DNAH5: variants seen among roughly 807,000 people sequenced by gnomAD.
DNAH5 encodes dynein axonemal heavy chain 5.
In DNAH5, 372 loss-of-function variants were observed where a neutral mutation model predicts 518.2. The ratio of observed to expected loss-of-function variants is 0.72; its 90% CI spans 0.66 to 0.78. DNAH5 has a LOEUF of 0.78. Among genes scored for constraint, DNAH5 ranks in the 30% least tolerant of loss-of-function variants. The pLI, the probability that DNAH5 is intolerant of heterozygous loss-of-function variation, is 0.00. For synonymous variants in DNAH5, 2,039 were observed against 2,025.9 expected (o/e 1.01, Z -0.17); for missense variants, 5,523 against 5,687.0 (o/e 0.97, Z 0.93).
intron 1 of DNAH5, among the ~76,000 whole-genome samples, chr5:13,970,042 A>G (rs987099995): frequency 1.3e-5 from 2 of 152,176 alleles, no homozygotes; most frequent in African/African-American, 4.8e-5. Flanking sequence ...TTATCATTAT[A>G]TAATATCCCT....
At chr5:13,968,638 C>T (rs1398850210) in intron 1 of DNAH5, among the ~76,000 whole-genome samples, 1 of 152,156 alleles carries the variant, frequency 6.6e-6, no homozygotes, top group African/African-American at 2.4e-5. Flanking sequence ...ATATGTTAAA[C>T]CATCCCTGAA....
intron 30 of DNAH5, among the ~76,000 whole-genome samples, chr5:13,852,783 G>A (rs1210900077): frequency 6.6e-6 from 1 of 152,186 alleles, no homozygotes; most frequent in Non-Finnish European, 1.5e-5. Flanking sequence ...GCCCACTGCA[G>A]CACCACAAAG....
intron 50 of DNAH5, among the ~76,000 whole-genome samples, chr5:13,789,287 C>T (rs1323966403): frequency 6.6e-6 from 1 of 152,050 alleles, no homozygotes; most frequent in Non-Finnish European, 1.5e-5. Flanking sequence ...ATATGAACAA[C>T]TCTCATGTAT....
chr5:13,700,910 G>A lies in DNAH5; in HGVS notation c.13492-39C>T, dbSNP rs781177328. On this transcript the variant is annotated intron_variant, in intron 77 of 78. Coordinates refer to ENST00000265104, the MANE Select transcript of DNAH5 (RefSeq NM_001369.3). Reference sequence around the variant, plus strand: ...CAAAAGATGAATGGAGCGGTTAGAGGTTTGTCTTAATAGAAAGAGCATAAC... The same window carrying A: ...CAAAAGATGAATGGAGCGGTTAGAGATTTGTCTTAATAGAAAGAGCATAAC... 13 of 1,595,810 alleles carry A rather than the reference G, an allele frequency of 8.1e-6. No individual in the cohort carries two copies. In the Admixed American group the frequency reaches 1.8e-4, roughly 23 times the overall value.
intron 30 of DNAH5, 64 bp from the exon 31 acceptor site, chr5:13,850,879 T>A (rs1270450193): frequency 6.5e-7 from 1 of 1,529,336 alleles, no homozygotes; most frequent in African/African-American, 1.4e-5. Context: ...AAAGACAGTA[T>A]CTCACATTCC....
chr5:13,992,207 T>C (rs577310871), intron 1 of DNAH5, among the ~76,000 whole-genome samples: 21 of 152,330 alleles, frequency 1.4e-4, no homozygotes, highest in African/African-American at 4.6e-4. Flanking sequence ...CCAAGTCTTG[T>C]TCTTCAAAAT....
At chr5:13,920,234 G>A (rs1440820622) in intron 6 of DNAH5, among the ~76,000 whole-genome samples, 1 of 152,230 alleles carries the variant, frequency 6.6e-6, no homozygotes, top group Non-Finnish European at 1.5e-5. Flanking sequence ...ATTGAGAAAA[G>A]AAACTGGCAA....
At chr5:13,882,509 A>G (rs1771812124) in intron 21 of DNAH5, among the ~76,000 whole-genome samples, 1 of 152,210 alleles carries the variant, frequency 6.6e-6, no homozygotes, top group Non-Finnish European at 1.5e-5. Flanking sequence ...TTGGTTCAAT[A>G]TATGCAAATC....
chr5:13,908,654 G>A lies in DNAH5; in HGVS notation c.1644+2732C>T, dbSNP rs370442023. 6.4e-4 allele frequency among the ~76,000 whole-genome samples: 98 copies of A among 152,252 alleles called. 1 individual carries two copies. In the South Asian group the frequency reaches 0.018, roughly 27 times the overall value. ...CACCTCAACACCCATCCTTTACTAA[G>A]TAGTGCCTTCTCCATCTGCTGGGAT... On this transcript the variant is annotated intron_variant, in intron 12 of 78. Transcript: ENST00000265104.
chr5:13,719,736 C>G (rs979464578), intron 71 of DNAH5, among the ~76,000 whole-genome samples: 8 of 152,110 alleles, frequency 5.3e-5, no homozygotes, highest in Non-Finnish European at 1.2e-4. Flanking sequence ...GAATGATTGC[C>G]TGCTGAATTT....
chr5:14,001,390 G>A lies in DNAH5; in HGVS notation c.12+10258C>T, dbSNP rs536561176. Among the ~76,000 whole-genome samples, 704 of 152,262 alleles carry A rather than the reference G, an allele frequency of 4.6e-3. 4 individuals carry two copies. Among genetic ancestry groups the A allele is most frequent in the African/African-American group, 0.016 (658 of 41,554 alleles). On this transcript the variant is annotated intron_variant, in intron 1 of 78. Coordinates refer to the DNAH5 transcript ENST00000681290. The stretch of plus-strand genomic sequence containing the variant: ...TTGTTGTTGTTGAGACAGAGTCAGA[G>A]TCTCACTCTGTCGTCCAGACTGGAG...
Position 13,807,613 on chromosome 5 carries a change from G to A in DNAH5, c.7865C>T (p.Ala2622Val), listed in dbSNP as rs750094463. ...TACCTGGAACATCAGTGGGGTGGTT[G>A]CAGAAGAAAAATTCAGACTCTTGAT... ...HMIKSLNFSS[A>V]TTPLMFQRTI... is the part of the protein sequence containing the mutation. The change falls in exon 47 of 79, where the codon GCA becomes GTA. Residue 2622 changes from alanine to valine, a missense_variant. Ala to Val is a moderately conservative substitution (Grantham distance 64). Transcript: ENST00000265104. 4 of 1,613,520 alleles carry A rather than the reference G, an allele frequency of 2.5e-6. No individual in the cohort carries two copies. The highest frequency in any genetic ancestry group is 1.3e-5 in the African/African-American group (1 of 74,876).
At chr5:13,778,565 A>AGAAG (rs1754508932) in intron 53 of DNAH5, among the ~76,000 whole-genome samples, 1 of 69,876 alleles carries the variant, frequency 1.4e-5, no homozygotes, top group Non-Finnish European at 3.1e-5. Context: ...AAAGAAAGAA[A>AGAAG]GAAAGAAAGA....
chr5:13,923,237 GT>G, intron 4 of DNAH5, 42 bp downstream of exon 4: 1 of 1,611,178 alleles, frequency 6.2e-7, no homozygotes, highest in Non-Finnish European at 8.5e-7. Context: ...CAAGTTGTGT[GT>G]TTTTTGGTAA....
In DNAH5 at chr5:13,844,322, G is replaced by A. The variant is rs79358095; in HGVS notation, c.5271+515C>T. Among the ~76,000 whole-genome samples the A allele has an allele frequency of 1.2e-3, 185 of 152,252 alleles. 3 individuals are homozygous for A. The East Asian group carries it at 0.034, about 28-fold the overall frequency. ...ACTTTCCTAGGGAATTTGGGTGGAG[G>A]GATGGATTAGACAATAGATTTCCGC... On this transcript the variant is annotated intron_variant, in intron 32 of 78. Coordinates refer to ENST00000265104, the MANE Select transcript of DNAH5 (RefSeq NM_001369.3).
chr5:13,796,852 G>T (rs931399795), intron 47 of DNAH5, among the ~76,000 whole-genome samples: 1 of 152,100 alleles, frequency 6.6e-6, no homozygotes, highest in Non-Finnish European at 1.5e-5. Flanking sequence ...CCAAAACAGA[G>T]AGATAGACCA....
intron 37 of DNAH5, 28 bp from the exon 38 acceptor site, chr5:13,829,732 A>C (rs377478615): frequency 1.7e-4 from 267 of 1,593,130 alleles, no homozygotes; most frequent in Non-Finnish European, 2.2e-4. Flanking sequence ...CCCAAGGATG[A>C]ATGATGCAAT....
In DNAH5 at chr5:13,922,098, C is replaced by T. The variant is rs762915801; in HGVS notation, c.660+9G>A. ...ATCATTTTTAAAGGAACAGCTTATT[C>T]GTCCTCACCTTCTCCTTCAGACTCT... On this transcript the variant is annotated intron_variant, in intron 5 of 78. Coordinates refer to ENST00000265104, the MANE Select transcript of DNAH5 (RefSeq NM_001369.3). The T allele has an allele frequency of 1.1e-5, 17 of 1,613,372 alleles. No individual in the cohort carries two copies. In the East Asian group the frequency reaches 1.1e-4, roughly 11 times the overall value.
chr5:13,875,842 G>T (rs1482139619), intron 22 of DNAH5, among the ~76,000 whole-genome samples: 4 of 152,078 alleles, frequency 2.6e-5, no homozygotes, highest in African/African-American at 4.8e-5. Flanking sequence ...GTTCCCTTGG[G>T]AACACATTAA....
Sources: allele counts gnomAD v4.1 joint callset (sites outside exome capture counted in the v4.1 genomes callset), GRCh38; gene constraint gnomAD v4.1.1; transcripts MANE v1.5; gene names NCBI Gene and HGNC (gene_info 2026-07-23, HGNC 2026-07-21).